JHY: variants seen among roughly 807,000 people sequenced by gnomAD.
JHY encodes the protein junctional cadherin complex regulator.
Under a neutral mutation model 78.0 loss-of-function variants are expected in JHY, and 69 were observed. The observed-to-expected ratio is 0.88, with a 90% CI of 0.73 to 1.08. The LOEUF is 1.08. Ranked by LOEUF, JHY falls within the 50% of genes least tolerant of loss-of-function variation. The pLI is 0.00. For synonymous variants in JHY, 368 were observed against 342.6 expected, an observed-to-expected ratio of 1.07 and a Z score of -0.82; for missense variants, 944 against 927.8, an observed-to-expected ratio of 1.02 and a Z score of -0.23.
intron 3 of JHY, among the ~76,000 whole-genome samples, chr11:122,919,352 C>CAAAAAA (rs72233254): frequency 1.9e-4 from 13 of 70,070 alleles, no homozygotes; most frequent in East Asian, 4.4e-4. Flanking sequence ...GACTCTGTCT[C>CAAAAAA]AAAAAAAAAA....
At chr11:122,903,470 A>T (rs1410643368) in intron 2 of JHY, among the ~76,000 whole-genome samples, 1 of 152,028 alleles carries the variant, frequency 6.6e-6, no homozygotes, top group East Asian at 1.9e-4. Context: ...CTTTATGTTT[A>T]TTAATCAATT....
Position 122,959,394 on chromosome 11 carries a change from C to A in JHY, c.2286C>A (p.His762Gln), listed in dbSNP as rs752633878. ...TGCTGGAAATACTGCAGAACAGACA[C>A]GAAAGGGAAAAACAGGCTGTGGCTG... is the stretch of plus-strand genomic sequence containing the variant. The part of the protein sequence containing the change: ...ISLLEILQNR[H>Q]EREKQAVAAF... Residue 762 changes from histidine (H) to glutamine (Q), a missense_variant, in exon 9 of 9, where the codon CAC becomes CAA. Physicochemically the swap from His to Gln is conservative, Grantham distance 24 (BLOSUM62 0). Coordinates refer to ENST00000227349, the MANE Select transcript of JHY (RefSeq NM_024806.4). 3.1e-5 allele frequency: 50 copies of A among 1,613,930 alleles called. No homozygotes were observed. The highest frequency in any genetic ancestry group is 3.9e-5 in the Non-Finnish European group (46 of 1,179,986).
chr11:122,943,697 A>C lies in JHY; in HGVS notation c.1635-2801A>C, dbSNP rs555738414. Among the ~76,000 whole-genome samples the C allele has an allele frequency of 2.8e-4, 42 of 152,318 alleles. No individual in the cohort carries two copies. In the South Asian group the frequency reaches 8.7e-3, roughly 32 times the overall value. On this transcript the variant is annotated intron_variant, in intron 5 of 8. Coordinates refer to ENST00000227349, the MANE Select transcript of JHY (RefSeq NM_024806.4). ...TTCTTCTTTTAATCCTGATGTAATC[A>C]ATATTTTTATTCCTAATAATGCTTC...
At chr11:122,885,426 T>C (rs1312483872) in intron 1 of JHY, among the ~76,000 whole-genome samples, 1 of 152,204 alleles carries the variant, frequency 6.6e-6, no homozygotes. Flanking sequence ...GCTATCAAAG[T>C]ACTGTCCATA....
At position 122,882,859 on chromosome 11, in the gene JHY, T is replaced by G. The variant is rs530988038; in HGVS notation, c.-203T>G. The G allele has an allele frequency of 2.0e-5, 3 of 152,718 alleles. No individual in the cohort carries two copies. The highest frequency in any genetic ancestry group is 2.9e-5 in the Non-Finnish European group (2 of 68,044). 9.5% of individuals were successfully genotyped at this position (152,718 alleles called of 1,614,324 possible). ...GCCCATGTGGCGCCGGCGTCTGTGT[T>G]GTCTGCGGTCTCCAGGGCAGCGCCG... On this transcript the variant is annotated 5_prime_UTR_variant, in exon 1 of 9. Coordinates refer to ENST00000227349, the MANE Select transcript of JHY (RefSeq NM_024806.4).
At position 122,934,970 on chromosome 11, in the gene JHY, G is replaced by C. The variant is rs750496689; in HGVS notation, c.1529G>C (p.Gly510Ala). 5.0e-6 allele frequency: 8 copies of C among 1,613,950 alleles called. No homozygotes were observed. Among genetic ancestry groups the C allele is most frequent in the African/African-American group, 1.3e-5 (1 of 75,018 alleles). The stretch of plus-strand genomic sequence containing the variant: ...AGACACGTGCTCCTGAGCCAGAAAG[G>C]CTCTCAGTTTGTTTATCACATAAAT... ...SKRHVLLSQKGSQFVYHINTH... is the reference protein window; with the variant it reads ...SKRHVLLSQKASQFVYHINTH... Residue 510 changes from glycine (G) to alanine (A), a missense_variant, in exon 5 of 9, where the codon GGC (glycine) becomes GCC (alanine). Gly to Ala is a moderately conservative substitution (Grantham distance 60). Coordinates refer to ENST00000227349, the MANE Select transcript of JHY (RefSeq NM_024806.4).
In JHY at chr11:122,959,565, A is replaced by T; in HGVS notation, c.*120A>T. The T allele has an allele frequency of 1.0e-6, 1 of 993,498 alleles. No homozygotes were observed. Among genetic ancestry groups the T allele is most frequent in the South Asian group, 1.8e-5 (1 of 57,142 alleles). The allele number at this position is 993,498 out of a possible 1,614,324, so 61.5% of individuals were successfully genotyped here. ...TATTATTATCATCTATCTGCCGTCCATGTTTGCTTTCTGCAGGATTTAAAA... is the reference window on the plus strand; with the variant it reads ...TATTATTATCATCTATCTGCCGTCCTTGTTTGCTTTCTGCAGGATTTAAAA... On this transcript the variant is annotated 3_prime_UTR_variant, in exon 9 of 9. Transcript: ENST00000227349.
At chr11:122,955,267 C>A (rs1475426528) in intron 6 of JHY, among the ~76,000 whole-genome samples, 1 of 152,042 alleles carries the variant, frequency 6.6e-6, no homozygotes, top group Non-Finnish European at 1.5e-5. Flanking sequence ...ATTACAGGTG[C>A]CTGCCACCAC....
rs969971130 is a variant in JHY, at chr11:122,898,499, A to G, written c.345-5426A>G. On this transcript the variant is annotated intron_variant, in intron 2 of 8. Transcript: ENST00000227349. This position sits in a 1 kb window ranked among gnomAD's most constrained non-coding sequence, Gnocchi z 4.4. ...CATTGTTCCAAGGAAAAAAAACTGA[A>G]GACTCACAACAAACATTCCCTAGAT... is the stretch of plus-strand genomic sequence containing the variant. Among the ~76,000 whole-genome samples the G allele has an allele frequency of 6.6e-6, 1 of 152,188 alleles. No individual in the cohort carries two copies. The highest frequency in any genetic ancestry group is 2.4e-5 in the African/African-American group (1 of 41,452).
intron 2 of JHY, among the ~76,000 whole-genome samples, chr11:122,889,011 GGGTATAAA>G (rs1264309591): frequency 6.6e-6 from 1 of 152,158 alleles, no homozygotes; most frequent in African/African-American, 2.4e-5. Context: ...GCTTTCCTTA[GGGTATAAA>G]TCTCCAGGAG....
In JHY at chr11:122,886,767, C is replaced by CTCACTTTT. The variant is rs775877466; in HGVS notation, c.344+577_344+584dup. 1.8e-4 allele frequency among the ~76,000 whole-genome samples: 28 copies of CTCACTTTT among 152,152 alleles called. No individual in the cohort carries two copies. The South Asian group carries it at 3.5e-3, about 19-fold the overall frequency. On this transcript the variant is annotated intron_variant, in intron 2 of 8. Transcript: ENST00000227349. The stretch of plus-strand genomic sequence containing the variant: ...CTGACCCACTTAATTCTTTTTTTGG[C>CTCACTTTT]TCACTTTTTCTCGTCTGTCAAATAA...
intron 2 of JHY, among the ~76,000 whole-genome samples, chr11:122,892,034 C>T (rs1273189266): frequency 1.3e-5 from 2 of 152,160 alleles, no homozygotes; most frequent in African/African-American, 4.8e-5. Flanking sequence ...ACTGTGACCT[C>T]AGAGTAGATA....
At chr11:122,948,557 C>T (rs1864016181) in intron 6 of JHY, among the ~76,000 whole-genome samples, 1 of 151,464 alleles carries the variant, frequency 6.6e-6, no homozygotes, top group African/African-American at 2.4e-5. Flanking sequence ...CTTCCAGTTG[C>T]ATGGAGCTTG....
chr11:122,905,521 A>G, intron 3 of JHY: 1 of 1,119,564 alleles, frequency 8.9e-7, no homozygotes, highest in Non-Finnish European at 1.1e-6. Flanking sequence ...AACAAAATAG[A>G]TGAGGTGGAT....
In JHY at chr11:122,886,182, C is replaced by A; in HGVS notation, c.333C>A (p.Gly111=). The A allele has an allele frequency of 1.2e-6, 2 of 1,609,534 alleles. No homozygotes were observed. The highest frequency in any genetic ancestry group is 1.7e-6 in the Non-Finnish European group (2 of 1,177,272). ...AAAACCACCATACCTGGGACCAGGG[C>A]GCCAATAACAGGTAAGGAATTGGCT... ...REQNHHTWDQ[G]ANNRQQPIED... is the part of the protein sequence containing the mutation. The change falls in exon 2 of 9, where the codon GGC becomes GGA. Residue 111 remains glycine, a synonymous_variant. Transcript: ENST00000227349.
chr11:122,957,672 AC>A (rs1864221792), intron 8 of JHY, among the ~76,000 whole-genome samples, 181 bp downstream of exon 8: 1 of 150,642 alleles, frequency 6.6e-6, no homozygotes, highest in Non-Finnish European at 1.5e-5. Context: ...TGGGAGAGGC[AC>A]CACACCCAGC....
rs1262021957 is a variant in JHY, at chr11:122,935,136, G to C, written c.1634+61G>C. 7.1e-7 allele frequency: 1 copy of C among 1,417,766 alleles called. No homozygotes were observed. 87.8% of individuals were successfully genotyped at this position (1,417,766 alleles called of 1,614,324 possible). The stretch of plus-strand genomic sequence containing the variant: ...GAGAAAGGAGAGACTGCTGCAGAAA[G>C]ACGGGAGAGGAAGAAGGGGAAGGGG... On this transcript the variant is annotated intron_variant, in intron 5 of 8. Transcript: ENST00000227349. The surrounding 1 kb of genome is among the most constrained non-coding windows in gnomAD (Gnocchi z 4.5).
chr11:122,900,947 G>C (rs116385018), intron 2 of JHY, among the ~76,000 whole-genome samples: 1,657 of 152,254 alleles, frequency 0.011, 32 homozygotes, highest in African/African-American at 0.038. Flanking sequence ...TGTTGTCTAG[G>C]CAACAATTCA....
At chr11:122,930,970 G>T (rs77452116) in intron 4 of JHY, among the ~76,000 whole-genome samples, 2,790 of 152,280 alleles carry the variant, frequency 0.018, 80 homozygotes, top group South Asian at 0.11. Flanking sequence ...GTGAGGATCT[G>T]CTTCCTGGTT....
Sources: allele counts gnomAD v4.1 joint callset (sites outside exome capture counted in the v4.1 genomes callset), GRCh38; gene constraint gnomAD v4.1.1; non-coding constraint Gnocchi (gnomAD v3.1); transcripts MANE v1.5; gene names NCBI Gene and HGNC (gene_info 2026-07-23, HGNC 2026-07-21).